Variants in ANKS1B observed in about 807,000 individuals in gnomAD.
ANKS1B encodes ankyrin repeat and sterile alpha motif domain-containing protein 1B.
ANKS1B carries 36 observed loss-of-function variants against 148.3 expected under a neutral mutation model. The observed-to-expected ratio is 0.24, with a 90% CI of 0.19 to 0.32. The LOEUF (loss-of-function observed/expected upper bound fraction) is 0.32, where lower values mean the gene tolerates loss of function less well. ANKS1B is among the 10% of genes least tolerant of loss of function. The pLI is 1.00. For synonymous variants in ANKS1B, 542 were observed against 560.8 expected (o/e 0.97, Z 0.47); for missense variants, 1,157 against 1,542.6 (o/e 0.75, Z 4.19).
chr12:98,772,927 T>C (rs1044070384), intron 25 of ANKS1B, 115 bp downstream of exon 25: 10 of 1,194,136 alleles, frequency 8.4e-6, no homozygotes, highest in African/African-American at 1.5e-5. Flanking sequence ...TTGGTATGTA[T>C]CTTAATACCG....
chr12:99,092,924 T>G (rs1378865210), intron 15 of ANKS1B, among the ~76,000 whole-genome samples: 2 of 152,262 alleles, frequency 1.3e-5, no homozygotes, highest in South Asian at 4.1e-4. Context: ...GGAAACTGAG[T>G]CTCAGAGATG....
intron 17 of ANKS1B, among the ~76,000 whole-genome samples, chr12:98,950,244 C>A (rs191771718): frequency 1.3e-5 from 2 of 152,162 alleles, no homozygotes; most frequent in Admixed American, 1.3e-4. Flanking sequence ...TGCCTGTAAT[C>A]CCAGCACTTT....
intron 17 of ANKS1B, among the ~76,000 whole-genome samples, chr12:98,914,137 G>A (rs911225037): frequency 1.3e-5 from 2 of 152,016 alleles, no homozygotes; most frequent in African/African-American, 4.8e-5. Flanking sequence ...CCTTATAGAC[G>A]GCTTAGCTCT....
intron 20 of ANKS1B, among the ~76,000 whole-genome samples, chr12:98,803,576 A>G (rs576253734): frequency 1.3e-5 from 2 of 152,308 alleles, no homozygotes; most frequent in African/African-American, 4.8e-5. Context: ...CAAGCATCAG[A>G]TCTTCATGTG....
intron 9 of ANKS1B, among the ~76,000 whole-genome samples, chr12:99,633,333 A>T (rs1429356625): frequency 6.6e-6 from 1 of 152,134 alleles, no homozygotes; most frequent in Non-Finnish European, 1.5e-5. Flanking sequence ...ATAATACCAC[A>T]CATCTACAAC....
rs560603694 is a variant in ANKS1B at position 98,829,081 on chromosome 12, G to T, written c.3066+93C>A. ...CATGGTATAAATTCTAGTTAGGCAC[G>T]GACAATAAGCATCCATAGGAAGCTA... is the stretch of plus-strand genomic sequence containing the variant. On this transcript the variant is annotated intron_variant, in intron 19 of 26. Transcript: ENST00000683438. The surrounding 1 kb of genome is among the most constrained non-coding windows in gnomAD (Gnocchi z 5.2). The T allele has an allele frequency of 3.5e-6, 5 of 1,426,444 alleles. No individual in the cohort carries two copies. Among genetic ancestry groups the T allele is most frequent in the Non-Finnish European group, 4.9e-6 (5 of 1,022,908 alleles). The allele number at this position is 1,426,444 out of a possible 1,614,324, so 88.4% of individuals were successfully genotyped here. A position where few individuals can be genotyped will look rare whatever the true frequency, so the allele number is the denominator to read the frequency against.
intron 12 of ANKS1B, among the ~76,000 whole-genome samples, chr12:99,291,701 C>T (rs191475930): frequency 2.0e-5 from 3 of 151,766 alleles, no homozygotes; most frequent in African/African-American, 7.3e-5. Context: ...TGCAGAAGAA[C>T]AAAACTAGAA....
intron 14 of ANKS1B, among the ~76,000 whole-genome samples, chr12:99,214,254 A>G (rs561164772): frequency 1.3e-5 from 2 of 152,302 alleles, no homozygotes; most frequent in African/African-American, 4.8e-5. Context: ...CGTACATGGG[A>G]AATAACTTAT....
chr12:99,131,716 C>T (rs2066141596), intron 15 of ANKS1B, among the ~76,000 whole-genome samples: 1 of 152,148 alleles, frequency 6.6e-6, no homozygotes, highest in African/African-American at 2.4e-5. Context: ...GATGATGGCT[C>T]CCCTGAGCCT....
intron 8 of ANKS1B, among the ~76,000 whole-genome samples, chr12:99,760,866 A>G (rs1202506468): frequency 6.6e-5 from 10 of 151,458 alleles, no homozygotes; most frequent in Admixed American, 2.0e-4. Flanking sequence ...GTGACATTAA[A>G]ACCAATCCCA....
At chr12:99,547,036 T>C (rs1489056949) in intron 9 of ANKS1B, among the ~76,000 whole-genome samples, 1 of 152,008 alleles carries the variant, frequency 6.6e-6, no homozygotes, top group African/African-American at 2.4e-5. Context: ...GGGTGGACTC[T>C]GGGGGGAAAT....
chr12:99,757,560 C>T (rs2061685087), intron 8 of ANKS1B, among the ~76,000 whole-genome samples: 1 of 151,926 alleles, frequency 6.6e-6, no homozygotes, highest in South Asian at 2.1e-4. Context: ...GACAGAAATA[C>T]CATTCAACAC....
chr12:99,806,330 A>G (rs2067642130), intron 4 of ANKS1B, 74 bp downstream of exon 4: 5 of 1,546,738 alleles, frequency 3.2e-6, no homozygotes, highest in Non-Finnish European at 4.4e-6. Context: ...TTCTACATAC[A>G]GGTTTTCACA....
chr12:98,946,500 C>A (rs1268251113), intron 17 of ANKS1B, among the ~76,000 whole-genome samples: 1 of 152,128 alleles, frequency 6.6e-6, no homozygotes, highest in East Asian at 1.9e-4. Flanking sequence ...TCCTGCCTTC[C>A]AGTAGGAAGA....
chr12:98,942,339 G>C (rs2099838281), intron 17 of ANKS1B, among the ~76,000 whole-genome samples: 1 of 152,148 alleles, frequency 6.6e-6, no homozygotes, highest in Non-Finnish European at 1.5e-5. Context: ...GTATCATTCT[G>C]TAGTCAGGAA....
At chr12:99,387,118 C>T (rs1413800312) in intron 12 of ANKS1B, among the ~76,000 whole-genome samples, 2 of 151,964 alleles carry the variant, frequency 1.3e-5, no homozygotes, top group African/African-American at 2.4e-5. Flanking sequence ...ATGTGAAGAA[C>T]GCTAGGGGGA....
intron 4 of ANKS1B, among the ~76,000 whole-genome samples, chr12:99,791,080 A>G (rs1206292014): frequency 6.6e-6 from 1 of 152,082 alleles, no homozygotes; most frequent in Non-Finnish European, 1.5e-5. Context: ...GTGGATGAAA[A>G]AAGTATTCCA....
chr12:99,114,291 T>C (rs1424232606), intron 15 of ANKS1B, among the ~76,000 whole-genome samples: 1 of 152,236 alleles, frequency 6.6e-6, no homozygotes, highest in Non-Finnish European at 1.5e-5. Flanking sequence ...GACTTCAAAA[T>C]GCTAACGATT....
intron 15 of ANKS1B, among the ~76,000 whole-genome samples, chr12:99,151,254 G>A (rs2074804260): frequency 6.6e-6 from 1 of 152,148 alleles, no homozygotes; most frequent in South Asian, 2.1e-4. Context: ...GGGGCCAGGT[G>A]TGGTGGCTCA....
Sources: gnomAD v4.1 joint callset for allele counts (sites outside exome capture counted in the v4.1 genomes callset) on GRCh38, gnomAD v4.1.1 for gene constraint, Gnocchi (gnomAD v3.1) non-coding constraint, MANE v1.5 for transcripts, NCBI Gene and HGNC (gene_info 2026-07-23, HGNC 2026-07-21) for gene names.